Variants in MEOX1 observed in about 807,000 individuals in gnomAD.
MEOX1 encodes mesenchyme homeobox 1.
A neutral mutation model predicts 23.2 loss-of-function variants in MEOX1; 17 were observed. That is an observed-to-expected ratio of 0.73 (90% CI 0.50 to 1.10). The LOEUF is 1.10. MEOX1 is among the 50% of genes least tolerant of loss of function. The pLI is 0.00. For missense variants in MEOX1, 333 were observed against 332.2 expected (o/e 1.00, Z -0.02); for synonymous variants, 134 against 135.1 (o/e 0.99, Z 0.06).
At chr17:43,648,003 CA>C (rs1199559373) in intron 1 of MEOX1, among the ~76,000 whole-genome samples, 1 of 152,214 alleles carries the variant, frequency 6.6e-6, no homozygotes, top group Non-Finnish European at 1.5e-5. Context: ...GTATGGGAAG[CA>C]AGCTATGAAA....
At position 43,661,225 on chromosome 17, in the gene MEOX1, T is replaced by C; in HGVS notation, c.310A>G (p.Arg104Gly). The C allele has an allele frequency of 1.2e-6, 2 of 1,609,392 alleles. No individual in the cohort carries two copies. The highest frequency in any genetic ancestry group is 1.7e-6 in the Non-Finnish European group (2 of 1,177,456). The stretch of plus-strand genomic sequence containing the variant: ...CCCCCTGCCGGGCCTGAGTTGGGCC[T>C]GCGCCGGGCGTCTGAGACAGGGAAG... ...WHFPVSDARR[R>G]PNSGPAGGSK... The change falls in exon 1 of 3, where the codon AGG becomes GGG. Residue 104 changes from arginine (R) to glycine (G), a missense_variant. Physicochemically the swap from Arg to Gly is moderately radical, Grantham distance 125. Transcript: ENST00000318579.
chr17:43,657,478 C>T (rs1344668168), intron 1 of MEOX1, among the ~76,000 whole-genome samples: 7 of 151,928 alleles, frequency 4.6e-5, no homozygotes, highest in South Asian at 2.1e-4. Flanking sequence ...TGAGCCACCG[C>T]GCCCGGCCAA....
At chr17:43,660,703 G>A (rs1414315044) in intron 1 of MEOX1, among the ~76,000 whole-genome samples, 1 of 152,224 alleles carries the variant, frequency 6.6e-6, no homozygotes, top group Non-Finnish European at 1.5e-5. Flanking sequence ...GCTGGCCAAA[G>A]CATGGTGGGG....
intron 1 of MEOX1, among the ~76,000 whole-genome samples, chr17:43,656,998 T>TTTC (rs1973032926): frequency 9.9e-6 from 1 of 101,320 alleles, no homozygotes; most frequent in South Asian, 3.1e-4. Flanking sequence ...TTCTTTCTTT[T>TTTC]TCTTTCTTTC....
At chr17:43,643,375 G>A (rs986981225) in intron 2 of MEOX1, 113 bp downstream of exon 2, 18 of 1,031,260 alleles carry the variant, frequency 1.7e-5, no homozygotes, top group Admixed American at 8.7e-5. Context: ...GTTGAAAACC[G>A]CTGGACTGGC....
Position 43,640,464 on chromosome 17 carries a change from A to C in MEOX1, c.*1446T>G, listed in dbSNP as rs1237695416. On this transcript the variant is annotated 3_prime_UTR_variant, in exon 3 of 3. Coordinates refer to ENST00000318579, the MANE Select transcript of MEOX1 (RefSeq NM_004527.4). ...TGAGCTCGCACAATTAGCTTGATGT[A>C]ATCTTAAGAAAATATATGAAGTATG... 6.6e-6 allele frequency: 1 copy of C among 152,206 alleles called. No homozygotes were observed. Among genetic ancestry groups the C allele is most frequent in the Non-Finnish European group, 1.5e-5 (1 of 68,032 alleles). 9.4% of individuals were successfully genotyped at this position (152,206 alleles called of 1,614,324 possible). A position where few individuals can be genotyped will look rare whatever the true frequency, so the allele number is the denominator to read the frequency against.
intron 1 of MEOX1, among the ~76,000 whole-genome samples, chr17:43,649,550 A>G (rs1015837657): frequency 2.6e-5 from 4 of 152,036 alleles, no homozygotes; most frequent in African/African-American, 9.7e-5. Flanking sequence ...CAGGTGATCC[A>G]CCTGCCTCGG....
At chr17:43,651,297 C>T (rs56266134) in intron 1 of MEOX1, among the ~76,000 whole-genome samples, 22,011 of 151,944 alleles carry the variant, frequency 0.14, 1,936 homozygotes, top group East Asian at 0.22. Flanking sequence ...CCAGCCTGGG[C>T]GACAGAGTGA....
rs1972737810 is a variant in MEOX1, at chr17:43,643,476, C to T, written c.642+12G>A. On this transcript the variant is annotated intron_variant, in intron 2 of 2. Coordinates refer to ENST00000318579, the MANE Select transcript of MEOX1 (RefSeq NM_004527.4). ...GAGAGCAAAGAAGAGGAGGGGCCCA[C>T]CGGGGGCGCACCTGGCGCTCAGAGA... 1 of 1,561,434 alleles carries T rather than the reference C, an allele frequency of 6.4e-7. No individual in the cohort carries two copies. Among genetic ancestry groups the T allele is most frequent in the Non-Finnish European group, 8.7e-7 (1 of 1,151,524 alleles).
chr17:43,643,074 C>T (rs1972727470), intron 2 of MEOX1, among the ~76,000 whole-genome samples: 2 of 151,876 alleles, frequency 1.3e-5, no homozygotes, highest in African/African-American at 2.4e-5. Flanking sequence ...TTTGGGAGGC[C>T]GAGGCGGGCG....
intron 1 of MEOX1, among the ~76,000 whole-genome samples, chr17:43,647,047 G>A (rs191183518): frequency 6.6e-6 from 1 of 152,328 alleles, no homozygotes; most frequent in Admixed American, 6.5e-5. Context: ...TCAGCTCCAC[G>A]AGATGCCATT....
intron 1 of MEOX1, among the ~76,000 whole-genome samples, chr17:43,657,549 G>A (rs918846454): frequency 3.3e-5 from 5 of 151,994 alleles, no homozygotes; most frequent in East Asian, 1.9e-4. Context: ...GGGAGTGAGC[G>A]GGGAGCAGTT....
At chr17:43,649,919 C>T (rs1467011655) in intron 1 of MEOX1, among the ~76,000 whole-genome samples, 1 of 152,192 alleles carries the variant, frequency 6.6e-6, no homozygotes, top group Non-Finnish European at 1.5e-5. Context: ...TCCACACCAT[C>T]CAGGGCAAAT....
At chr17:43,658,589 C>A in intron 1 of MEOX1, among the ~76,000 whole-genome samples, 1 of 150,754 alleles carries the variant, frequency 6.6e-6, no homozygotes, top group South Asian at 2.1e-4. Flanking sequence ...AACAAAATAT[C>A]ACAATTTTGG....
chr17:43,661,455 G>A lies in MEOX1; in HGVS notation c.80C>T (p.Ser27Leu), dbSNP rs9898682. 0.11 allele frequency: 176,704 copies of A among 1,610,480 alleles called. 12,211 individuals are homozygous for A. Among genetic ancestry groups the A allele is most frequent in the African/African-American group, 0.32 (24,239 of 74,746 alleles). Reference protein sequence around the residue: ...PVWGCLRNPHSEGNGASGLPH... With the variant: ...PVWGCLRNPHLEGNGASGLPH... ...TAGCCCTGAGGCCCCATTGCCTTCC[G>A]AGTGGGGGTTTCGAAGGCAGCCCCA... is the stretch of plus-strand genomic sequence containing the variant. The change falls in exon 1 of 3, where the codon TCG (serine) becomes TTG (leucine). Residue 27 changes from serine (S) to leucine (L), a missense_variant. Transcript: ENST00000318579.
intron 1 of MEOX1, among the ~76,000 whole-genome samples, chr17:43,656,333 G>C (rs1386291911): frequency 1.3e-5 from 2 of 152,086 alleles, no homozygotes; most frequent in Admixed American, 1.3e-4. Flanking sequence ...TCAGAGAGGG[G>C]GAAGAAAATG....
Position 43,643,479 on chromosome 17 carries a change from G to A in MEOX1, c.642+9C>T. Reference sequence around the variant, plus strand: ...AGCAAAGAAGAGGAGGGGCCCACCGGGGGCGCACCTGGCGCTCAGAGAGGT... The same window carrying A: ...AGCAAAGAAGAGGAGGGGCCCACCGAGGGCGCACCTGGCGCTCAGAGAGGT... On this transcript the variant is annotated intron_variant, in intron 2 of 2. Transcript: ENST00000318579. 1 of 1,567,300 alleles carries A rather than the reference G, an allele frequency of 6.4e-7. No individual in the cohort carries two copies. Among genetic ancestry groups the A allele is most frequent in the African/African-American group, 1.3e-5 (1 of 74,084 alleles).
At chr17:43,646,328 A>G (rs1453938455) in intron 1 of MEOX1, among the ~76,000 whole-genome samples, 1 of 152,048 alleles carries the variant, frequency 6.6e-6, no homozygotes, top group Non-Finnish European at 1.5e-5. Flanking sequence ...CGGGCCGGGG[A>G]GGGTCGGTCA....
rs1419206096 is a variant in MEOX1, at chr17:43,661,638, A to G, written c.-104T>C. The G allele has an allele frequency of 8.9e-6, 6 of 675,842 alleles. No homozygotes were observed. The highest frequency in any genetic ancestry group is 4.0e-5 in the Admixed American group (1 of 25,306). The allele number at this position is 675,842 out of a possible 1,614,324, so 41.9% of individuals were successfully genotyped here. On this transcript the variant is annotated 5_prime_UTR_variant, in exon 1 of 3. Coordinates refer to ENST00000318579, the MANE Select transcript of MEOX1 (RefSeq NM_004527.4). ...AAAGAAAAAAAACTAAATAGGAGGGAAAAATGTTCAACAGAAAATTTACCC... is the reference window on the plus strand; with the variant it reads ...AAAGAAAAAAAACTAAATAGGAGGGGAAAATGTTCAACAGAAAATTTACCC...
Sources: gnomAD v4.1 joint callset for allele counts (sites outside exome capture counted in the v4.1 genomes callset) on GRCh38, gnomAD v4.1.1 for gene constraint, MANE v1.5 for transcripts, NCBI Gene and HGNC (gene_info 2026-07-23, HGNC 2026-07-21) for gene names.